The following GULP1 variants were observed in gnomAD, a reference collection of about 807,000 sequenced individuals.
GULP1 encodes the protein PTB domain-containing engulfment adapter protein 1.
A neutral mutation model predicts 40.9 loss-of-function variants in GULP1; 19 were observed. The ratio of observed to expected loss-of-function variants is 0.46; its 90% CI spans 0.32 to 0.68. GULP1 has a LOEUF of 0.68. Among genes scored for constraint, GULP1 ranks in the 30% least tolerant of loss-of-function variants. The probability of loss-of-function intolerance (pLI) is 0.03; values close to 1 mark genes in which losing one functional copy is unlikely to be tolerated. For missense variants in GULP1, 312 were observed against 362.2 expected, an observed-to-expected ratio of 0.86 and a Z score of 1.12; for synonymous variants, 119 against 117.6, an observed-to-expected ratio of 1.01 and a Z score of -0.08.
At chr2:188,302,423 A>G (rs1200827529) in intron 1 of GULP1, among the ~76,000 whole-genome samples, 1 of 152,186 alleles carries the variant, frequency 6.6e-6, no homozygotes, top group Non-Finnish European at 1.5e-5. Flanking sequence ...TGTATTGAAA[A>G]CATTAAATAT....
chr2:188,548,130 C>A (rs1311255133), intron 7 of GULP1, among the ~76,000 whole-genome samples: 3 of 151,926 alleles, frequency 2.0e-5, no homozygotes, highest in Non-Finnish European at 4.4e-5. Flanking sequence ...CTAGCCATTG[C>A]AGCAAGACAA....
chr2:188,525,634 C>A (rs1017217111), intron 5 of GULP1, among the ~76,000 whole-genome samples: 5 of 152,128 alleles, frequency 3.3e-5, no homozygotes, highest in African/African-American at 1.2e-4. Context: ...AAAAGCTTAT[C>A]AATTTCCCTG....
chr2:188,402,957 A>G (rs2052522016), intron 2 of GULP1, among the ~76,000 whole-genome samples: 2 of 152,164 alleles, frequency 1.3e-5, no homozygotes, highest in African/African-American at 4.8e-5. Context: ...AATTTACCTA[A>G]GGTCCAATGG....
intron 1 of GULP1, among the ~76,000 whole-genome samples, chr2:188,362,791 A>G (rs2046267762): frequency 6.6e-6 from 1 of 152,038 alleles, no homozygotes; most frequent in Non-Finnish European, 1.5e-5. Flanking sequence ...CTGATGGATC[A>G]TACTGGCCAA....
At chr2:188,457,140 G>A (rs370397223) in intron 2 of GULP1, among the ~76,000 whole-genome samples, 3 of 152,142 alleles carry the variant, frequency 2.0e-5, no homozygotes, top group Non-Finnish European at 4.4e-5. Context: ...TCTCAGATGC[G>A]ACTTTGGACT....
At chr2:188,506,351 A>G (rs2063912680) in intron 4 of GULP1, among the ~76,000 whole-genome samples, 1 of 151,946 alleles carries the variant, frequency 6.6e-6, no homozygotes, top group South Asian at 2.1e-4. Flanking sequence ...ATAATTTCAA[A>G]TCAGTACATA....
At chr2:188,309,127 G>A (rs1245840561) in intron 1 of GULP1, among the ~76,000 whole-genome samples, 4 of 151,710 alleles carry the variant, frequency 2.6e-5, no homozygotes, top group Admixed American at 6.6e-5. Flanking sequence ...TTTTCTTTTC[G>A]ATCCTGTCTT....
intron 4 of GULP1, among the ~76,000 whole-genome samples, chr2:188,498,675 G>T (rs1033087480): frequency 1.3e-5 from 2 of 151,752 alleles, no homozygotes; most frequent in African/African-American, 4.8e-5. Flanking sequence ...ACTGTAGGAT[G>T]ACTATAAATA....
At chr2:188,318,132 T>C (rs769525900) in intron 1 of GULP1, among the ~76,000 whole-genome samples, 2 of 152,136 alleles carry the variant, frequency 1.3e-5, no homozygotes, top group Non-Finnish European at 1.5e-5. Flanking sequence ...ATGAGGAAAA[T>C]CAGTCATGAT....
intron 6 of GULP1, among the ~76,000 whole-genome samples, chr2:188,534,690 CAG>C (rs1432867559): frequency 6.6e-6 from 1 of 151,702 alleles, no homozygotes; most frequent in Non-Finnish European, 1.5e-5. Context: ...ACAAAACAAA[CAG>C]GGAAAGGTAG....
chr2:188,586,224 TA>T (rs1457204600), intron 10 of GULP1, among the ~76,000 whole-genome samples: 1 of 152,184 alleles, frequency 6.6e-6, no homozygotes, highest in African/African-American at 2.4e-5. Context: ...TTGATAAATA[TA>T]GACAGAGAAA....
At chr2:188,336,006 T>C (rs2042207382) in intron 1 of GULP1, among the ~76,000 whole-genome samples, 1 of 152,212 alleles carries the variant, frequency 6.6e-6, no homozygotes, top group African/African-American at 2.4e-5. Context: ...TTAATAATAA[T>C]TGTATACCTT....
chr2:188,337,164 AGTCTT>A (rs993964728), intron 1 of GULP1, among the ~76,000 whole-genome samples: 19 of 151,106 alleles, frequency 1.3e-4, no homozygotes, highest in African/African-American at 4.6e-4. Context: ...TTCTTTCCAA[AGTCTT>A]GTTCTGTCAT....
intron 4 of GULP1, among the ~76,000 whole-genome samples, chr2:188,503,689 C>A (rs547719490): frequency 6.6e-6 from 1 of 151,874 alleles, no homozygotes; most frequent in Non-Finnish European, 1.5e-5. Context: ...TGATTTAAAC[C>A]ATAGCAGTCT....
At chr2:188,584,822 T>C (rs902955515) in intron 10 of GULP1, among the ~76,000 whole-genome samples, 2 of 152,086 alleles carry the variant, frequency 1.3e-5, no homozygotes, top group African/African-American at 4.8e-5. Flanking sequence ...AAAAAATATA[T>C]AAATTATATC....
chr2:188,315,387 G>C (rs1259204025), intron 1 of GULP1, among the ~76,000 whole-genome samples: 2 of 151,988 alleles, frequency 1.3e-5, no homozygotes, highest in Non-Finnish European at 2.9e-5. Flanking sequence ...GTTATCCTTG[G>C]TTTCAGGCAT....
At chr2:188,504,030 C>T (rs1012352819) in intron 4 of GULP1, among the ~76,000 whole-genome samples, 1 of 151,636 alleles carries the variant, frequency 6.6e-6, no homozygotes, top group Non-Finnish European at 1.5e-5. Context: ...TACTTTTTTT[C>T]CCTGATAATT....
At chr2:188,563,822 C>T (rs756794710) in intron 7 of GULP1, among the ~76,000 whole-genome samples, 3 of 151,782 alleles carry the variant, frequency 2.0e-5, no homozygotes, top group Admixed American at 6.6e-5. Flanking sequence ...AAAGACCTTA[C>T]AAAAAATGAA....
intron 4 of GULP1, among the ~76,000 whole-genome samples, chr2:188,511,009 C>A (rs1053823250): frequency 1.3e-5 from 2 of 152,012 alleles, no homozygotes; most frequent in African/African-American, 4.8e-5. Context: ...AGCATAAATT[C>A]ATTGAATGTT....
Sources: allele counts gnomAD v4.1 joint callset (sites outside exome capture counted in the v4.1 genomes callset), GRCh38; gene constraint gnomAD v4.1.1; transcripts MANE v1.5; gene names NCBI Gene and HGNC (gene_info 2026-07-23, HGNC 2026-07-21).